ANK2: variants seen among roughly 807,000 people sequenced by gnomAD.
ANK2 encodes ankyrin 2.
A neutral mutation model predicts 360.5 loss-of-function variants in ANK2; 83 were observed. That is an observed-to-expected ratio of 0.23 (90% CI 0.19 to 0.28). The LOEUF (loss-of-function observed/expected upper bound fraction) is 0.28, where lower values mean the gene tolerates loss of function less well. Among genes scored for constraint, ANK2 ranks in the 10% least tolerant of loss-of-function variants. The pLI, the probability that ANK2 is intolerant of heterozygous loss-of-function variation, is 1.00. For missense variants in ANK2, 4,201 were observed against 4,795.7 expected (o/e 0.88, Z 3.66); for synonymous variants, 1,740 against 1,759.5 (o/e 0.99, Z 0.28).
intron 4 of ANK2, among the ~76,000 whole-genome samples, chr4:113,222,391 ATTTTT>A (rs397880062): frequency 2.4e-5 from 3 of 122,474 alleles, no homozygotes; most frequent in Non-Finnish European, 1.7e-5. Flanking sequence ...CTCTGAAACA[ATTTTT>A]TTTTTTTTTT....
At chr4:113,271,586 C>T (rs2058540090) in intron 14 of ANK2, among the ~76,000 whole-genome samples, 1 of 152,094 alleles carries the variant, frequency 6.6e-6, no homozygotes, top group South Asian at 2.1e-4. Context: ...AAAATTGTGC[C>T]AAGCTACTAC....
At chr4:112,925,730 G>A (rs72892449) in intron 2 of ANK2, among the ~76,000 whole-genome samples, 8,332 of 152,232 alleles carry the variant, frequency 0.055, 430 homozygotes, top group African/African-American at 0.13. Flanking sequence ...TAGAAGAGTT[G>A]GCTGTTACAG....
Position 113,357,321 on chromosome 4 carries a change from A to T in ANK2, c.8703A>T (p.Thr2901=). The T allele has an allele frequency of 6.2e-7, 1 of 1,614,110 alleles. No individual in the cohort carries two copies. The highest frequency in any genetic ancestry group is 8.5e-7 in the Non-Finnish European group (1 of 1,179,990). ...PSQDSSITTQ[T]DRFSMDVPVS... is the part of the protein sequence containing the mutation. ...AAGACTCATCCATTACTACTCAAAC[A>T]GATAGATTTTCCATGGATGTTCCCG... The change falls in exon 38 of 46, where the codon ACA becomes ACT. Residue 2901 remains threonine (T), a synonymous_variant. Coordinates refer to ENST00000357077, the MANE Select transcript of ANK2 (RefSeq NM_001148.6).
intron 2 of ANK2, among the ~76,000 whole-genome samples, chr4:112,967,366 G>T (rs1446583229): frequency 1.3e-5 from 2 of 152,196 alleles, no homozygotes; most frequent in African/African-American, 4.8e-5. Context: ...ACTTTCCCAA[G>T]TTACATAATC....
In ANK2 at chr4:112,831,257, C is replaced by T. The variant is rs184543448; in HGVS notation, c.-40+12993C>T. On this transcript the variant is annotated intron_variant, in intron 1 of 30. Coordinates refer to the ANK2 transcript ENST00000503271. ...CTGGTGCAGGATCCACTAGGCGAAG[C>T]AAGCTGGGCTCCTGAGTCGGGTGGG... Among the ~76,000 whole-genome samples the T allele has an allele frequency of 4.9e-3, 750 of 152,384 alleles. 3 individuals carry two copies. Among genetic ancestry groups the T allele is most frequent in the Non-Finnish European group, 8.2e-3 (555 of 68,040 alleles).
chr4:112,788,394 T>G, the ANK2 span: 3 of 1,587,412 alleles, frequency 1.9e-6, no homozygotes, highest in Admixed American at 1.7e-5. Context: ...GCCAGCTCGA[T>G]GGGATCCACG....
intron 2 of ANK2, among the ~76,000 whole-genome samples, chr4:112,921,996 A>G (rs1190693387): frequency 6.6e-6 from 1 of 152,174 alleles, no homozygotes; most frequent in African/African-American, 2.4e-5. Context: ...CTTTGGACCT[A>G]TTTCCTGAGT....
intron 7 of ANK2, among the ~76,000 whole-genome samples, chr4:113,238,011 G>T (rs2099396862): frequency 6.6e-6 from 1 of 151,944 alleles, no homozygotes; most frequent in South Asian, 2.1e-4. Context: ...ACTGAGTTTT[G>T]TCTTTTTATC....
chr4:113,053,629 T>C (rs1367649741), intron 1 of ANK2, among the ~76,000 whole-genome samples: 2 of 152,184 alleles, frequency 1.3e-5, no homozygotes, highest in African/African-American at 4.8e-5. Flanking sequence ...GGTCTTATTC[T>C]GTCACCCAGG....
intron 1 of ANK2, among the ~76,000 whole-genome samples, chr4:113,113,401 C>T (rs2094483531): frequency 6.6e-6 from 1 of 152,110 alleles, no homozygotes. Flanking sequence ...CTGACTGATG[C>T]CTGATGTCTG....
intron 1 of ANK2, among the ~76,000 whole-genome samples, chr4:113,095,742 G>C (rs2154356194): frequency 6.6e-6 from 1 of 152,214 alleles, no homozygotes; most frequent in South Asian, 2.1e-4. Context: ...AGGAGAACTA[G>C]TTTCTTGTAT....
intron 45 of ANK2, among the ~76,000 whole-genome samples, chr4:113,374,122 C>T (rs1306864159): frequency 1.3e-5 from 2 of 152,162 alleles, no homozygotes; most frequent in Non-Finnish European, 2.9e-5. Context: ...CAGCATTTCA[C>T]CATGTTGGGC....
chr4:112,804,794 C>A, the ANK2 span, among the ~76,000 whole-genome samples: 84,945 of 151,578 alleles, frequency 0.56, 24,585 homozygotes, highest in East Asian at 0.88. Context: ...GTCTCTACAA[C>A]AACAACAAAC....
chr4:112,884,808 A>G (rs984262806), intron 1 of ANK2, among the ~76,000 whole-genome samples: 2 of 152,068 alleles, frequency 1.3e-5, no homozygotes, highest in Admixed American at 6.6e-5. Context: ...TTTCATGATA[A>G]TTTTCACAGC....
chr4:113,012,543 C>A (rs749749896), intron 2 of ANK2, among the ~76,000 whole-genome samples: 30 of 152,238 alleles, frequency 2.0e-4, no homozygotes, highest in Admixed American at 3.9e-4. Flanking sequence ...CTAGTGCCTG[C>A]GGTGTTTCAA....
At chr4:113,151,359 G>A (rs1471105294) in intron 1 of ANK2, among the ~76,000 whole-genome samples, 1 of 152,210 alleles carries the variant, frequency 6.6e-6, no homozygotes, top group East Asian at 1.9e-4. Context: ...CATTGCACCA[G>A]CATCTGCTTT....
chr4:112,959,549 AAAC>A (rs2154259619), intron 2 of ANK2, among the ~76,000 whole-genome samples: 1 of 152,346 alleles, frequency 6.6e-6, no homozygotes, highest in African/African-American at 2.4e-5. Context: ...AGGTTATGGG[AAAC>A]ACTCACATGT....
intron 1 of ANK2, among the ~76,000 whole-genome samples, chr4:112,835,709 A>G (rs900784776): frequency 1.3e-5 from 2 of 152,194 alleles, no homozygotes; most frequent in Non-Finnish European, 2.9e-5. Flanking sequence ...GATTAAATTA[A>G]AAAACTATCA....
intron 1 of ANK2, among the ~76,000 whole-genome samples, chr4:112,830,764 C>G (rs2059536667): frequency 6.6e-6 from 1 of 152,182 alleles, no homozygotes; most frequent in African/African-American, 2.4e-5. Context: ...CTGGGCTGGC[C>G]AAGGCCAAAG....
Sources: gnomAD v4.1 joint callset for allele counts (sites outside exome capture counted in the v4.1 genomes callset) on GRCh38, gnomAD v4.1.1 for gene constraint, MANE v1.5 for transcripts, NCBI Gene and HGNC (gene_info 2026-07-23, HGNC 2026-07-21) for gene names.